Variants in KANSL1 observed in about 807,000 individuals in gnomAD.
KANSL1 encodes MLL1/MLL complex subunit KANSL1.
Under a neutral mutation model 103.6 loss-of-function variants are expected in KANSL1, and 22 were observed. That is an observed-to-expected ratio of 0.21 (90% confidence interval 0.15 to 0.30). KANSL1 has a LOEUF of 0.30. KANSL1 is among the 10% of genes least tolerant of loss of function. The pLI is 1.00. For missense variants in KANSL1, 1,337 were observed against 1,399.8 expected, an observed-to-expected ratio of 0.96 and a Z score of 0.72; for synonymous variants, 600 against 527.6, an observed-to-expected ratio of 1.14 and a Z score of -1.88.
intron 6 of KANSL1, among the ~76,000 whole-genome samples, chr17:46,056,055 A>G (rs1329082815): frequency 6.6e-6 from 1 of 152,074 alleles, no homozygotes; most frequent in Admixed American, 6.5e-5. Context: ...CTAGAGTGCA[A>G]TGGTGCGATC....
At position 46,082,560 on chromosome 17, in the gene KANSL1, GA is replaced by G. The variant is rs1312311958; in HGVS notation, c.1432-19del. 2.8e-6 allele frequency: 4 copies of G among 1,417,702 alleles called. No homozygotes were observed. Among genetic ancestry groups the G allele is most frequent in the Non-Finnish European group, 4.0e-6 (4 of 1,011,076 alleles). The allele number at this position is 1,417,702 out of a possible 1,614,324, so 87.8% of individuals were successfully genotyped here. On this transcript the variant is annotated intron_variant, in intron 3 of 14. Coordinates refer to ENST00000432791, the MANE Select transcript of KANSL1 (RefSeq NM_015443.4). ...ATCAACCCCTGCAGGATAGAGAGGA[GA>G]AAAATAGCATAAGTGAGCAGTATAA...
chr17:46,112,724 AT>A (rs1555552257), intron 2 of KANSL1, among the ~76,000 whole-genome samples: 4,530 of 145,550 alleles, frequency 0.031, 227 homozygotes, highest in African/African-American at 0.11. Flanking sequence ...GGGCAGATAA[AT>A]TTTTTTTTTT....
intron 3 of KANSL1, 99 bp downstream of exon 3, chr17:46,094,461 G>C (rs1054674408): frequency 7.3e-7 from 1 of 1,368,974 alleles, no homozygotes; most frequent in Non-Finnish European, 1.0e-6. Context: ...CAATAGTTAA[G>C]AAGAGGGTTA....
chr17:46,128,826 T>C (rs549544783), intron 2 of KANSL1, among the ~76,000 whole-genome samples: 1 of 152,216 alleles, frequency 6.6e-6, no homozygotes, highest in African/African-American at 2.4e-5. Flanking sequence ...ATATGGAGTT[T>C]GAATTTTAGT....
chr17:46,043,737 C>G (rs1379662886), intron 7 of KANSL1: 2 of 152,180 alleles, frequency 1.3e-5, no homozygotes, highest in African/African-American at 4.8e-5. Context: ...ACTGGAACTC[C>G]ACTCCTAAAC....
At chr17:46,084,278 A>G (rs2079082412) in intron 3 of KANSL1, among the ~76,000 whole-genome samples, 1 of 152,126 alleles carries the variant, frequency 6.6e-6, no homozygotes, top group East Asian at 1.9e-4. Flanking sequence ...GCTACTCGGA[A>G]GGCTGAAGAA....
chr17:46,193,451 G>C (rs2047466417), upstream of KANSL1: 1 of 152,250 alleles, frequency 6.6e-6, no homozygotes, highest in African/African-American at 2.4e-5. Context: ...GCAAGCGGGC[G>C]AGCGCCGGGG....
chr17:46,055,619 G>C (rs1470913964), intron 6 of KANSL1, among the ~76,000 whole-genome samples: 1 of 151,994 alleles, frequency 6.6e-6, no homozygotes, highest in Non-Finnish European at 1.5e-5. Context: ...GGGGGGAGGG[G>C]AGACAAGGCA....
intron 2 of KANSL1, among the ~76,000 whole-genome samples, chr17:46,115,525 A>G (rs2043007119): frequency 1.3e-5 from 2 of 152,234 alleles, no homozygotes; most frequent in South Asian, 4.1e-4. Context: ...TCCCAAGGAA[A>G]GTATACATTC....
At position 46,114,947 on chromosome 17, in the gene KANSL1, C is replaced by G. The variant is rs190137892; in HGVS notation, c.1290-20246G>C. ...ACAGTTTCTCCTTTTGATTTAGACA[C>G]TCTCTAAAGATCTGTCCAGATTTAG... On this transcript the variant is annotated intron_variant, in intron 2 of 14. Coordinates refer to ENST00000432791, the MANE Select transcript of KANSL1 (RefSeq NM_015443.4). Among the ~76,000 whole-genome samples the G allele has an allele frequency of 2.0e-5, 3 of 152,338 alleles. No individual in the cohort carries two copies. The East Asian group carries it at 5.8e-4, about 29-fold the overall frequency.
intron 2 of KANSL1, among the ~76,000 whole-genome samples, chr17:46,137,672 G>A (rs1250730033): frequency 1.3e-5 from 2 of 152,020 alleles, no homozygotes; most frequent in Non-Finnish European, 2.9e-5. Context: ...TCAGGAGATC[G>A]AGATCATGGT....
At chr17:46,128,721 G>A (rs1304617436) in intron 2 of KANSL1, among the ~76,000 whole-genome samples, 2 of 152,200 alleles carry the variant, frequency 1.3e-5, no homozygotes, top group African/African-American at 2.4e-5. Context: ...AGCATGGCTG[G>A]AGCACAGAGA....
At chr17:46,143,575 C>T (rs973743694) in intron 2 of KANSL1, among the ~76,000 whole-genome samples, 11 of 152,050 alleles carry the variant, frequency 7.2e-5, no homozygotes, top group Admixed American at 5.2e-4. Flanking sequence ...GAGGCCGAGA[C>T]GGGTAGATCA....
intron 2 of KANSL1, 44 bp downstream of exon 2, chr17:46,170,811 G>C (rs2046243857): frequency 2.0e-6 from 3 of 1,516,818 alleles, no homozygotes; most frequent in Non-Finnish European, 2.7e-6. Flanking sequence ...TCTTCCTTGT[G>C]CCAACATTTC....
chr17:46,127,055 G>A (rs1239047879), intron 2 of KANSL1, among the ~76,000 whole-genome samples: 1 of 152,186 alleles, frequency 6.6e-6, no homozygotes, highest in African/African-American at 2.4e-5. Flanking sequence ...CTAATCCAAG[G>A]TCAGATGACA....
At chr17:46,089,135 T>C (rs1419952001) in intron 3 of KANSL1, among the ~76,000 whole-genome samples, 3 of 152,244 alleles carry the variant, frequency 2.0e-5, no homozygotes, top group Non-Finnish European at 4.4e-5. Flanking sequence ...TCAAGGTACG[T>C]ATATTGTTTT....
At chr17:46,068,401 A>G (rs781507059) in intron 4 of KANSL1, among the ~76,000 whole-genome samples, 1 of 151,926 alleles carries the variant, frequency 6.6e-6, no homozygotes, top group African/African-American at 2.4e-5. Flanking sequence ...CCATCTCTAC[A>G]ACAAAAAAAT....
chr17:46,066,805 A>C, intron 5 of KANSL1, 73 bp from the exon 6 acceptor site: 4 of 1,100,920 alleles, frequency 3.6e-6, no homozygotes, highest in Non-Finnish European at 3.9e-6. Flanking sequence ...AGAAAACACA[A>C]AGAAACAAAG....
chr17:46,110,177 G>A (rs184252814), intron 2 of KANSL1, among the ~76,000 whole-genome samples: 1 of 152,320 alleles, frequency 6.6e-6, no homozygotes, highest in East Asian at 1.9e-4. Context: ...GTTTGAATAA[G>A]GGTAATATAG....
Sources: allele counts gnomAD v4.1 joint callset (sites outside exome capture counted in the v4.1 genomes callset), GRCh38; gene constraint gnomAD v4.1.1; transcripts MANE v1.5; gene names NCBI Gene and HGNC (gene_info 2026-07-23, HGNC 2026-07-21).